The following SOS2 variants were observed in gnomAD, a reference collection of about 807,000 sequenced individuals.
The protein encoded by SOS2 is son of sevenless homolog 2.
A neutral mutation model predicts 148.2 loss-of-function variants in SOS2; 65 were observed. The observed-to-expected ratio is 0.44, with a 90% CI of 0.36 to 0.54. The LOEUF is 0.54. SOS2 is among the 20% of genes least tolerant of loss of function. The probability of loss-of-function intolerance (pLI) is 0.00; values close to 1 mark genes in which losing one functional copy is unlikely to be tolerated. For missense variants in SOS2, 1,341 were observed against 1,590.2 expected (o/e 0.84, Z 2.67); for synonymous variants, 539 against 537.1 (o/e 1.00, Z -0.05).
rs765945171 is a variant in SOS2 at position 50,145,233 on chromosome 14, G to A, written c.2604C>T (p.Gly868=). 3.3e-5 allele frequency: 53 copies of A among 1,609,588 alleles called. No individual in the cohort carries two copies. The highest frequency in any genetic ancestry group is 2.9e-5 in the Non-Finnish European group (34 of 1,176,520). Residue 868 remains glycine (G), a synonymous_variant, in exon 16 of 23, where the codon GGC becomes GGT. Transcript: ENST00000216373. ...QVFQDLNNFN[G]VLEIVSAVNS... is the part of the protein sequence containing the mutation. Reference sequence around the variant, plus strand: ...TTACTGCACTGACTATCTCCAATACGCCATTGAAATTATTCAAATCTTGAA... The same window carrying A: ...TTACTGCACTGACTATCTCCAATACACCATTGAAATTATTCAAATCTTGAA...
rs550470155 is a variant in SOS2 at position 50,205,790 on chromosome 14, C to T, written c.88-1381G>A. ...ACAAAATTAGCTGGGTGTGGTGGCACGTGTCTGTAATCCCAGCTACTAAGG... is the reference window on the plus strand; with the variant it reads ...ACAAAATTAGCTGGGTGTGGTGGCATGTGTCTGTAATCCCAGCTACTAAGG... On this transcript the variant is annotated intron_variant, in intron 1 of 22. Transcript: ENST00000216373. Among the ~76,000 whole-genome samples, 3 of 151,882 alleles carry T rather than the reference C, an allele frequency of 2.0e-5. No homozygotes were observed. The South Asian group carries it at 6.2e-4, about 32-fold the overall frequency.
chr14:50,118,280 GAATA>G lies in SOS2; in HGVS notation c.*60_*63del. Reference sequence around the variant, plus strand: ...GTACTAAAATACTATGTCTTTTTTTGAATAAATTAAAAAAAAAACTTTACAAATA... The same window carrying G: ...GTACTAAAATACTATGTCTTTTTTTGAATTAAAAAAAAAACTTTACAAATA... On this transcript the variant is annotated 3_prime_UTR_variant, in exon 23 of 23. Coordinates refer to ENST00000216373, the MANE Select transcript of SOS2 (RefSeq NM_006939.4). 7.5e-7 allele frequency: 1 copy of G among 1,334,702 alleles called. No individual in the cohort carries two copies. Among genetic ancestry groups the G allele is most frequent in the South Asian group, 1.5e-5 (1 of 68,230 alleles). 82.7% of individuals were successfully genotyped at this position (1,334,702 alleles called of 1,614,324 possible).
chr14:50,145,964 G>T (rs368184041), intron 14 of SOS2, among the ~76,000 whole-genome samples: 1 of 151,694 alleles, frequency 6.6e-6, no homozygotes, highest in African/African-American at 2.4e-5. Context: ...GAAAAACCCC[G>T]TCTCTACTAA....
At chr14:50,198,489 C>T (rs1886385066) in intron 4 of SOS2, among the ~76,000 whole-genome samples, 1 of 152,184 alleles carries the variant, frequency 6.6e-6, no homozygotes. Flanking sequence ...AACTGCACAT[C>T]AGAATTACCT....
intron 16 of SOS2, among the ~76,000 whole-genome samples, chr14:50,142,453 T>C (rs58584333): frequency 6.6e-6 from 1 of 152,180 alleles, no homozygotes; most frequent in South Asian, 2.1e-4. Flanking sequence ...CTAAAAAAAA[T>C]AAATAAATAA....
intron 1 of SOS2, among the ~76,000 whole-genome samples, chr14:50,208,728 G>A (rs1251707187): frequency 1.3e-5 from 2 of 152,154 alleles, no homozygotes; most frequent in East Asian, 3.8e-4. Context: ...GCTTTCCTTT[G>A]GAGATCAAGG....
rs755233845 is a variant in SOS2, at chr14:50,130,561, G to A, written c.3277C>T (p.Pro1093Ser). 32 of 1,613,672 alleles carry A rather than the reference G, an allele frequency of 2.0e-5. No individual in the cohort carries two copies. Among genetic ancestry groups the A allele is most frequent in the Non-Finnish European group, 2.6e-5 (31 of 1,179,692 alleles). Residue 1093 changes from proline to serine, a missense_variant, in exon 20 of 23, where the codon CCA becomes TCA. By Grantham distance (74) the Pro-to-Ser change is moderately conservative. Transcript: ENST00000216373. ...PTSPNTPSTP[P>S]VSASSDLSVF... ...CTAAGGTCTGAAGAAGCAGATACTG[G>A]TGGAGTAGATGGTGTATTTGGAGAG...
At chr14:50,156,114 T>TCA (rs1353655878) in intron 12 of SOS2, 1 of 151,992 alleles carries the variant, frequency 6.6e-6, no homozygotes, top group African/African-American at 2.4e-5. Flanking sequence ...AACTTGAAAT[T>TCA]TAGAGAGAAA....
chr14:50,226,304 T>C (rs1232396502), intron 1 of SOS2, among the ~76,000 whole-genome samples: 1 of 152,202 alleles, frequency 6.6e-6, no homozygotes, highest in Non-Finnish European at 1.5e-5. Context: ...GAAGCACAAA[T>C]GTTGCTTGCT....
chr14:50,125,608 C>CAAATGT (rs1883656900), intron 21 of SOS2, among the ~76,000 whole-genome samples: 2 of 151,528 alleles, frequency 1.3e-5, no homozygotes, highest in Admixed American at 1.3e-4. Flanking sequence ...AAGATGAAAC[C>CAAATGT]CTACAGAGAG....
At chr14:50,204,542 A>C (rs1886601740) in intron 1 of SOS2, 133 bp from the exon 2 acceptor site, 4 of 593,780 alleles carry the variant, frequency 6.7e-6, no homozygotes, top group African/African-American at 2.0e-5. Context: ...ATGAAGAAAA[A>C]AACTATTTGT....
At chr14:50,152,902 T>C (rs1287235292) in intron 13 of SOS2, among the ~76,000 whole-genome samples, 168 bp downstream of exon 13, 1 of 151,816 alleles carries the variant, frequency 6.6e-6, no homozygotes, top group Non-Finnish European at 1.5e-5. Context: ...GAGGCGGAGG[T>C]TGCAGTGAGC....
rs369462490 is a variant in SOS2, at chr14:50,153,111, T to C, written c.2120A>G (p.Glu707Gly). 2.0e-4 allele frequency: 316 copies of C among 1,603,938 alleles called. 1 individual carries two copies. Among genetic ancestry groups the C allele is most frequent in the Middle Eastern group, 8.3e-4 (5 of 6,032 alleles). ...GAAGGATTCTAGTCTTTCAAGCAATTCCAAGTCTCTTTCAAAGTCATAAAA... is the reference window on the plus strand; with the variant it reads ...GAAGGATTCTAGTCTTTCAAGCAATCCCAAGTCTCTTTCAAAGTCATAAAA... Reference protein sequence around the residue: ...HHFYDFERDLELLERLESFIS... With the variant: ...HHFYDFERDLGLLERLESFIS... The change falls in exon 13 of 23, where the codon GAA becomes GGA. Residue 707 changes from glutamate (E) to glycine (G), a missense_variant. By Grantham distance (98) the Glu-to-Gly change is moderately conservative (BLOSUM62 -2). Around this residue, in one of 4 missense-constraint regions of SOS2, gnomAD observed 408 missense variants for 506.6 expected, o/e 0.81. Transcript: ENST00000216373.
At chr14:50,218,054 T>C (rs148862642) in intron 1 of SOS2, among the ~76,000 whole-genome samples, 23 of 151,514 alleles carry the variant, frequency 1.5e-4, no homozygotes, top group African/African-American at 5.1e-4. Flanking sequence ...TCCCAGAACT[T>C]TGGGAGGCTG....
chr14:50,139,768 G>A (rs1020932297), intron 17 of SOS2, among the ~76,000 whole-genome samples, 174 bp downstream of exon 17: 2 of 152,128 alleles, frequency 1.3e-5, no homozygotes, highest in African/African-American at 4.8e-5. Flanking sequence ...AACCCTATGA[G>A]ATATTATAGT....
At chr14:50,218,543 AAAAC>A (rs931440332) in intron 1 of SOS2, among the ~76,000 whole-genome samples, 2 of 152,116 alleles carry the variant, frequency 1.3e-5, no homozygotes, top group African/African-American at 4.8e-5. Context: ...AACAAAAACA[AAAAC>A]AAAAAAACAA....
At chr14:50,144,256 T>C (rs975852920) in intron 16 of SOS2, among the ~76,000 whole-genome samples, 2 of 152,002 alleles carry the variant, frequency 1.3e-5, no homozygotes, top group South Asian at 2.1e-4. Flanking sequence ...AATCTTGTTT[T>C]TGAAGATAAG....
intron 18 of SOS2, 109 bp from the exon 19 acceptor site, chr14:50,134,348 TA>T (rs762193704): frequency 1.6e-4 from 97 of 611,040 alleles, no homozygotes; most frequent in African/African-American, 1.3e-3. Flanking sequence ...TATTTAATGC[TA>T]AAAAATAACA....
At chr14:50,147,947 CCTAT>C (rs1884542618) in intron 14 of SOS2, among the ~76,000 whole-genome samples, 1 of 151,996 alleles carries the variant, frequency 6.6e-6, no homozygotes, top group Non-Finnish European at 1.5e-5. Context: ...ACAGTGAGAC[CCTAT>C]CTCTTTTTTT....
Sources: gnomAD v4.1 joint callset for allele counts (sites outside exome capture counted in the v4.1 genomes callset) on GRCh38, gnomAD v4.1.1 for gene constraint, gnomAD v4.1.1 regional missense constraint, MANE v1.5 for transcripts, NCBI Gene and HGNC (gene_info 2026-07-23, HGNC 2026-07-21) for gene names.